SPATS2: variants seen among roughly 807,000 people sequenced by gnomAD.
SPATS2 encodes the protein spermatogenesis associated serine rich 2.
SPATS2 carries 38 observed loss-of-function variants against 63.7 expected under a neutral mutation model. That is an observed-to-expected ratio of 0.60 (90% CI 0.46 to 0.78). The LOEUF is 0.78. SPATS2 is among the 30% of genes least tolerant of loss of function. SPATS2 has a pLI of 0.00. For missense variants in SPATS2, 588 were observed against 666.2 expected, an observed-to-expected ratio of 0.88 and a Z score of 1.29; for synonymous variants, 207 against 232.9, an observed-to-expected ratio of 0.89 and a Z score of 1.01.
At chr12:49,475,907 T>G (rs949145573) in intron 3 of SPATS2, among the ~76,000 whole-genome samples, 1 of 152,130 alleles carries the variant, frequency 6.6e-6, no homozygotes, top group African/African-American at 2.4e-5. Context: ...CTGGCTGTTC[T>G]CTAGAGTATA....
At chr12:49,515,324 G>A (rs1428014159) in intron 10 of SPATS2, among the ~76,000 whole-genome samples, 5 of 152,184 alleles carry the variant, frequency 3.3e-5, no homozygotes, top group Non-Finnish European at 7.3e-5. Flanking sequence ...GAGGCATTTC[G>A]GTGGCAGGTT....
Position 49,526,632 on chromosome 12 carries a change from A to T in SPATS2, c.*377A>T, listed in dbSNP as rs993680410. The T allele has an allele frequency of 9.8e-6, 2 of 203,388 alleles. No homozygotes were observed. Among genetic ancestry groups the T allele is most frequent in the African/African-American group, 4.7e-5 (2 of 42,656 alleles). The allele number at this position is 203,388 out of a possible 1,614,324, so 12.6% of individuals were successfully genotyped here. A position where few individuals can be genotyped will look rare whatever the true frequency, so the allele number is the denominator to read the frequency against. On this transcript the variant is annotated 3_prime_UTR_variant, in exon 14 of 14. Transcript: ENST00000552918. ...TAAGCCGAAGCCACAGGTGCCTGACAGGTTCCCTTCTAACAACTATTTGAC... is the reference window on the plus strand; with the variant it reads ...TAAGCCGAAGCCACAGGTGCCTGACTGGTTCCCTTCTAACAACTATTTGAC...
At chr12:49,377,629 T>C (rs1419891381) in intron 2 of SPATS2, among the ~76,000 whole-genome samples, 4 of 152,228 alleles carry the variant, frequency 2.6e-5, no homozygotes, top group African/African-American at 4.8e-5. Context: ...ATGCCTGAAA[T>C]GTGTATCTAC....
chr12:49,367,890 A>G (rs1943930031), intron 1 of SPATS2, among the ~76,000 whole-genome samples: 1 of 152,262 alleles, frequency 6.6e-6, no homozygotes, highest in Non-Finnish European at 1.5e-5. Context: ...TTTAAGAAAC[A>G]ACGAGCGAGA....
Position 49,407,492 on chromosome 12 carries a change from G to GT in SPATS2, c.-244+36207dup, listed in dbSNP as rs541689820. Among the ~76,000 whole-genome samples the GT allele has an allele frequency of 2.2e-4, 34 of 152,274 alleles. No homozygotes were observed. In the East Asian group the frequency reaches 6.2e-3, roughly 28 times the overall value. On this transcript the variant is annotated intron_variant, in intron 2 of 13. Transcript: ENST00000552918. ...CTTTAGCCACAGCGGCATCCTTGCTGTTTTTCTAAGATGCCAGGTTGTTTC... is the reference window on the plus strand; with the variant it reads ...CTTTAGCCACAGCGGCATCCTTGCTGTTTTTTCTAAGATGCCAGGTTGTTTC...
At chr12:49,369,075 G>C (rs979513350) in intron 1 of SPATS2, among the ~76,000 whole-genome samples, 12 of 109,872 alleles carry the variant, frequency 1.1e-4, no homozygotes, top group African/African-American at 4.5e-4. Flanking sequence ...TTGCTCTGTT[G>C]CCCAGGCTAG....
intron 2 of SPATS2, among the ~76,000 whole-genome samples, chr12:49,437,742 T>C (rs1475521483): frequency 6.6e-6 from 1 of 151,454 alleles, no homozygotes; most frequent in Non-Finnish European, 1.5e-5. Context: ...GGCAGGAGAA[T>C]CAGGCAGGGA....
At chr12:49,431,446 C>A (rs1945184475) in intron 2 of SPATS2, among the ~76,000 whole-genome samples, 2 of 152,130 alleles carry the variant, frequency 1.3e-5, no homozygotes, top group Non-Finnish European at 2.9e-5. Context: ...GACGGGGTTT[C>A]ACCGTGTTGG....
chr12:49,499,408 T>C (rs1166112401), intron 8 of SPATS2, among the ~76,000 whole-genome samples: 1 of 150,620 alleles, frequency 6.6e-6, no homozygotes, highest in Non-Finnish European at 1.5e-5. Flanking sequence ...TGTTTTGTTT[T>C]GTTTTGTTTT....
intron 2 of SPATS2, among the ~76,000 whole-genome samples, chr12:49,447,481 C>T (rs1030973674): frequency 6.6e-6 from 1 of 152,164 alleles, no homozygotes; most frequent in African/African-American, 2.4e-5. Context: ...TCGTGATCCC[C>T]CCACCTCGGC....
intron 2 of SPATS2, among the ~76,000 whole-genome samples, chr12:49,447,333 G>A (rs895324352): frequency 1.3e-5 from 2 of 152,114 alleles, no homozygotes; most frequent in Non-Finnish European, 2.9e-5. Context: ...CCGCCTCCTG[G>A]GTTCAAGCGA....
intron 10 of SPATS2, among the ~76,000 whole-genome samples, chr12:49,517,991 CA>C (rs1946879008): frequency 6.6e-6 from 1 of 152,098 alleles, no homozygotes; most frequent in Non-Finnish European, 1.5e-5. Context: ...ATATGTTCAC[CA>C]CCTCCTCAAT....
At chr12:49,500,458 T>C (rs762565792) in intron 9 of SPATS2, among the ~76,000 whole-genome samples, 7 of 152,144 alleles carry the variant, frequency 4.6e-5, no homozygotes, top group Non-Finnish European at 8.8e-5. Context: ...CACATAATTA[T>C]AGAGTAGATC....
intron 2 of SPATS2, among the ~76,000 whole-genome samples, chr12:49,385,384 G>GTGTGTGTGTGTT (rs1944296478): frequency 6.6e-6 from 1 of 151,528 alleles, no homozygotes; most frequent in Non-Finnish European, 1.5e-5. Flanking sequence ...GTGTGTGTGT[G>GTGTGTGTGTGTT]TGTGTGGCAG....
At chr12:49,374,389 C>T (rs961683435) in intron 2 of SPATS2, among the ~76,000 whole-genome samples, 30 of 152,032 alleles carry the variant, frequency 2.0e-4, no homozygotes, top group South Asian at 1.2e-3. Flanking sequence ...CTTGGCCTTC[C>T]GAAGTGCTGG....
At position 49,484,575 on chromosome 12, in the gene SPATS2, C is replaced by T; in HGVS notation, c.26-15C>T. On this transcript the variant is annotated splice_polypyrimidine_tract_variant and intron_variant, in intron 3 of 13. Coordinates refer to ENST00000552918, the MANE Select transcript of SPATS2 (RefSeq NM_023071.4). ...TTTGGATCATGTTGAATATATTTTTCCCTTATTCTTTCAGATTCATCAGGA... is the reference window on the plus strand; with the variant it reads ...TTTGGATCATGTTGAATATATTTTTTCCTTATTCTTTCAGATTCATCAGGA... The T allele has an allele frequency of 1.2e-6, 2 of 1,611,514 alleles. No homozygotes were observed. The highest frequency in any genetic ancestry group is 1.3e-5 in the African/African-American group (1 of 74,958).
chr12:49,476,234 A>G (rs1318285783), intron 3 of SPATS2, among the ~76,000 whole-genome samples: 1 of 152,080 alleles, frequency 6.6e-6, no homozygotes, highest in Admixed American at 6.6e-5. Flanking sequence ...GAGGAATGCA[A>G]CGACAGTCAC....
chr12:49,514,773 AG>A (rs1334994435), intron 10 of SPATS2, among the ~76,000 whole-genome samples, 160 bp downstream of exon 10: 1 of 152,250 alleles, frequency 6.6e-6, no homozygotes, highest in African/African-American at 2.4e-5. Context: ...GAATCCTTTC[AG>A]GTGAAATAAC....
At chr12:49,498,056 T>C (rs1050861940) in intron 8 of SPATS2, among the ~76,000 whole-genome samples, 15 of 149,824 alleles carry the variant, frequency 1.0e-4, no homozygotes, top group African/African-American at 3.7e-4. Flanking sequence ...TTTAATTAGG[T>C]AAGCTCCCCT....
Sources: allele counts gnomAD v4.1 joint callset (sites outside exome capture counted in the v4.1 genomes callset), GRCh38; gene constraint gnomAD v4.1.1; transcripts MANE v1.5; gene names NCBI Gene and HGNC (gene_info 2026-07-23, HGNC 2026-07-21).